PRUNE2: variants seen among roughly 807,000 people sequenced by gnomAD.
PRUNE2 encodes prune homolog 2 with BCH domain.
Under a neutral mutation model 252.0 loss-of-function variants are expected in PRUNE2, and 164 were observed. The observed-to-expected ratio is 0.65, with a 90% CI of 0.57 to 0.74. The LOEUF is 0.74. PRUNE2 is among the 30% of genes least tolerant of loss of function. The pLI, the probability that PRUNE2 is intolerant of heterozygous loss-of-function variation, is 0.00. For missense variants in PRUNE2, 3,495 were observed against 3,711.0 expected, an observed-to-expected ratio of 0.94 and a Z score of 1.51; for synonymous variants, 1,292 against 1,350.2, an observed-to-expected ratio of 0.96 and a Z score of 0.94.
At position 76,706,399 on chromosome 9, in the gene PRUNE2, A is replaced by G. The variant is rs2046319023; in HGVS notation, c.5875T>C (p.Cys1959Arg). 3.7e-6 allele frequency: 6 copies of G among 1,605,352 alleles called. No homozygotes were observed. The highest frequency in any genetic ancestry group is 3.4e-6 in the Non-Finnish European group (4 of 1,179,088). Reference protein sequence around the residue: ...LTPETPTQEQCQDTMLPVCDH... With the variant: ...LTPETPTQEQRQDTMLPVCDH... ...CAGACTGGCAGCATGGTGTCCTGACACTGCTCTTGGGTAGGTGTTTCAGGA... is the reference window on the plus strand; with the variant it reads ...CAGACTGGCAGCATGGTGTCCTGACGCTGCTCTTGGGTAGGTGTTTCAGGA... Residue 1959 changes from cysteine to arginine, a missense_variant, in exon 8 of 19, where the codon TGT (cysteine) becomes CGT (arginine). Coordinates refer to ENST00000376718, the MANE Select transcript of PRUNE2 (RefSeq NM_015225.3).
rs142632107 is a variant in PRUNE2 at position 76,826,612 on chromosome 9, T to C, written c.629A>G (p.Asn210Ser). Residue 210 changes from asparagine to serine, a missense_variant, in exon 5 of 19, where the codon AAC becomes AGC. Transcript: ENST00000376718. ...ACTGAACTGGGTCTCCTGTAGGACG[T>C]TGATGATGTCCTCTCTTGGAGGCAA... ...PNLPPREDIINVLQETQFSAQ... is the reference protein window; with the variant it reads ...PNLPPREDIISVLQETQFSAQ... 97 of 1,611,150 alleles carry C rather than the reference T, an allele frequency of 6.0e-5. No individual in the cohort carries two copies. The highest frequency in any genetic ancestry group is 4.0e-4 in the East Asian group (18 of 44,818).
intron 6 of PRUNE2, among the ~76,000 whole-genome samples, chr9:76,768,175 T>C (rs937139688): frequency 1.3e-5 from 2 of 151,528 alleles, no homozygotes; most frequent in African/African-American, 4.9e-5. Flanking sequence ...GCCCTTGAAC[T>C]AGTACTTCCA....
chr9:76,747,908 G>A (rs921096344), intron 6 of PRUNE2, among the ~76,000 whole-genome samples: 3 of 151,566 alleles, frequency 2.0e-5, no homozygotes, highest in South Asian at 4.2e-4. Context: ...CAATTCTCCC[G>A]CCTCAGCCTC....
intron 1 of PRUNE2, among the ~76,000 whole-genome samples, chr9:76,887,016 C>T (rs918281772): frequency 6.6e-6 from 1 of 152,178 alleles, no homozygotes; most frequent in Non-Finnish European, 1.5e-5. Context: ...CATATGCTGT[C>T]TAACTTTATC....
At chr9:76,619,951 A>G (rs1831429214) in intron 17 of PRUNE2, among the ~76,000 whole-genome samples, 1 of 152,354 alleles carries the variant, frequency 6.6e-6, no homozygotes, top group African/African-American at 2.4e-5. Flanking sequence ...TCAACTGAGT[A>G]TGCCCAGAAA....
intron 6 of PRUNE2, among the ~76,000 whole-genome samples, chr9:76,813,834 T>C (rs1413455666): frequency 6.6e-6 from 1 of 152,220 alleles, no homozygotes; most frequent in African/African-American, 2.4e-5. Flanking sequence ...TGTATTTATA[T>C]GAGACAGAGT....
chr9:76,794,265 C>T lies in PRUNE2; in HGVS notation c.756+29367G>A, dbSNP rs113271019. 5.2e-3 allele frequency among the ~76,000 whole-genome samples: 796 copies of T among 152,280 alleles called. 9 individuals are homozygous for T. The highest frequency in any genetic ancestry group is 0.018 in the African/African-American group (745 of 41,554). ...CAAATGGCGGAACCAGGATTTCAGACTCAGGCCCTGGGGCTCAGCCTCAGG... is the reference window on the plus strand; with the variant it reads ...CAAATGGCGGAACCAGGATTTCAGATTCAGGCCCTGGGGCTCAGCCTCAGG... On this transcript the variant is annotated intron_variant, in intron 6 of 18. Transcript: ENST00000376718.
At position 76,691,937 on chromosome 9, in the gene PRUNE2, C is replaced by T. The variant is rs1440448737; in HGVS notation, c.8276+11400G>A. Reference sequence around the variant, plus strand: ...CAGTTGCAAGGGGCTGGGCAGAATTCGGCATCCTCTCATCCCCCTCCCGTC... The same window carrying T: ...CAGTTGCAAGGGGCTGGGCAGAATTTGGCATCCTCTCATCCCCCTCCCGTC... On this transcript the variant is annotated intron_variant, in intron 9 of 18. Coordinates refer to ENST00000376718, the MANE Select transcript of PRUNE2 (RefSeq NM_015225.3). 1.6e-5 allele frequency: 10 copies of T among 632,546 alleles called. 1 individual carries two copies. The highest frequency in any genetic ancestry group is 1.4e-5 in the Non-Finnish European group (5 of 345,128). The allele number at this position is 632,546 out of a possible 1,614,324, so 39.2% of individuals were successfully genotyped here.
At chr9:76,874,705 A>C (rs1484299790) in intron 1 of PRUNE2, among the ~76,000 whole-genome samples, 2 of 152,190 alleles carry the variant, frequency 1.3e-5, no homozygotes, top group Admixed American at 1.3e-4. Context: ...AACCTAACAG[A>C]AATAATGCTA....
intron 4 of PRUNE2, among the ~76,000 whole-genome samples, chr9:76,831,062 TGGGA>T: frequency 6.6e-6 from 1 of 152,040 alleles, no homozygotes; most frequent in African/African-American, 2.4e-5. Context: ...CCCAAGTAGC[TGGGA>T]CTACAGGCAC....
In PRUNE2 at chr9:76,709,167, G is replaced by A. The variant is rs1357469724; in HGVS notation, c.3107C>T (p.Pro1036Leu). 6.2e-7 allele frequency: 1 copy of A among 1,613,818 alleles called. No homozygotes were observed. Among genetic ancestry groups the A allele is most frequent in the African/African-American group, 1.3e-5 (1 of 74,888 alleles). Residue 1036 changes from proline (P) to leucine (L), a missense_variant, in exon 8 of 19, where the codon CCT becomes CTT. Pro to Leu is a moderately conservative substitution (Grantham distance 98, BLOSUM62 -3). Coordinates refer to ENST00000376718, the MANE Select transcript of PRUNE2 (RefSeq NM_015225.3). ...GPGNLDMWAS[P>L]HTDNSSEINT... ...TATTTCAGAACTGTTATCTGTATGA[G>A]GTGAAGCCCACATGTCTAGGTTCCC...
intron 16 of PRUNE2, among the ~76,000 whole-genome samples, chr9:76,628,327 G>A (rs547823603): frequency 1.5e-3 from 235 of 152,238 alleles, no homozygotes; most frequent in Non-Finnish European, 2.6e-3. Flanking sequence ...GGATGCTGAC[G>A]CTGATACTGC....
intron 17 of PRUNE2, among the ~76,000 whole-genome samples, chr9:76,621,475 T>C (rs1467079735): frequency 9.2e-5 from 14 of 152,198 alleles, no homozygotes; most frequent in Admixed American, 3.3e-4. Flanking sequence ...ATACATGTGA[T>C]GTTACCATCA....
chr9:76,827,373 G>C (rs1209353989), intron 4 of PRUNE2, among the ~76,000 whole-genome samples: 1 of 152,172 alleles, frequency 6.6e-6, no homozygotes, highest in Non-Finnish European at 1.5e-5. Flanking sequence ...TAATTTTCCA[G>C]TGTGAAGGAC....
rs186050505 is a variant in PRUNE2, at chr9:76,866,153, C to T, written c.37-11945G>A. On this transcript the variant is annotated intron_variant, in intron 1 of 18. Coordinates refer to ENST00000376718, the MANE Select transcript of PRUNE2 (RefSeq NM_015225.3). ...TACATGCACATCCAGCAGGCCCAAT[C>T]CTGGGGCCTAACATAGATACAGAAA... is the stretch of plus-strand genomic sequence containing the variant. 8.6e-4 allele frequency among the ~76,000 whole-genome samples: 131 copies of T among 152,294 alleles called. 2 individuals are homozygous for T. The highest frequency in any genetic ancestry group is 7.6e-3 in the Admixed American group (117 of 15,300).
In PRUNE2 at chr9:76,619,629, G is replaced by A. The variant is rs28444365; in HGVS notation, c.9189-242C>T. Among the ~76,000 whole-genome samples, 1,090 of 152,268 alleles carry A rather than the reference G, an allele frequency of 7.2e-3. 18 individuals carry two copies. Among genetic ancestry groups the A allele is most frequent in the African/African-American group, 0.024 (1,001 of 41,532 alleles). Reference sequence around the variant, plus strand: ...ATTAAAAACTCCAAACACCTCCAGTGGTCTCTTCTGTCCTCATTTTTCCCT... The same window carrying A: ...ATTAAAAACTCCAAACACCTCCAGTAGTCTCTTCTGTCCTCATTTTTCCCT... On this transcript the variant is annotated intron_variant, in intron 17 of 18. Transcript: ENST00000376718.
Position 76,831,384 on chromosome 9 carries a change from A to G in PRUNE2, c.509-4652T>C, listed in dbSNP as rs7850964. 5.4e-3 allele frequency among the ~76,000 whole-genome samples: 829 copies of G among 152,338 alleles called. 2 individuals carry two copies. The highest frequency in any genetic ancestry group is 0.027 in the Middle Eastern group (8 of 294). On this transcript the variant is annotated intron_variant, in intron 4 of 18. Transcript: ENST00000376718. ...AGAAATGCAGGAAGAAAAGAAAAAC[A>G]TTGGACAATGTAAATATGTGGGTAA...
intron 2 of PRUNE2, among the ~76,000 whole-genome samples, chr9:76,851,640 C>T (rs898750234): frequency 2.0e-5 from 3 of 151,860 alleles, no homozygotes; most frequent in Admixed American, 1.3e-4. Flanking sequence ...TTAATTATTA[C>T]AATTCATTTT....
chr9:76,790,030 A>G (rs1404699538), intron 6 of PRUNE2, among the ~76,000 whole-genome samples: 2 of 152,186 alleles, frequency 1.3e-5, no homozygotes, highest in Non-Finnish European at 2.9e-5. Flanking sequence ...AAGCCTTGGG[A>G]AGTTGCAACA....
Sources: gnomAD v4.1 joint callset for allele counts (sites outside exome capture counted in the v4.1 genomes callset) on GRCh38, gnomAD v4.1.1 for gene constraint, MANE v1.5 for transcripts, NCBI Gene and HGNC (gene_info 2026-07-23, HGNC 2026-07-21) for gene names.